The following R3HCC1L variants were observed in gnomAD, a reference collection of about 807,000 sequenced individuals.
The protein encoded by R3HCC1L is coiled-coil domain-containing protein R3HCC1L.
R3HCC1L carries 51 observed loss-of-function variants against 59.9 expected under a neutral mutation model. That is an observed-to-expected ratio of 0.85 (90% CI 0.68 to 1.07). The LOEUF is 1.07. R3HCC1L is among the 50% of genes least tolerant of loss of function. The pLI, the probability that R3HCC1L is intolerant of heterozygous loss-of-function variation, is 0.00. For missense variants in R3HCC1L, 965 were observed against 933.0 expected, an observed-to-expected ratio of 1.03 and a Z score of -0.45; for synonymous variants, 322 against 315.2, an observed-to-expected ratio of 1.02 and a Z score of -0.23.
In R3HCC1L at chr10:98,229,108, C is replaced by T. The variant is rs572911285; in HGVS notation, c.1786-2404C>T. Among the ~76,000 whole-genome samples, 696 of 152,070 alleles carry T rather than the reference C, an allele frequency of 4.6e-3. 9 individuals carry two copies. The highest frequency in any genetic ancestry group is 0.016 in the African/African-American group (675 of 41,480). ...ATATGAACTTTAAAGTAGTTTTTTTCCAGTTCTGTGAAGAAAGTCATTGGT... is the reference window on the plus strand; with the variant it reads ...ATATGAACTTTAAAGTAGTTTTTTTTCAGTTCTGTGAAGAAAGTCATTGGT... On this transcript the variant is annotated intron_variant, in intron 5 of 9. Coordinates refer to ENST00000298999, the MANE Select transcript of R3HCC1L (RefSeq NM_001351015.2).
In R3HCC1L at chr10:98,208,860, G is replaced by A. The variant is rs765099256; in HGVS notation, c.746G>A (p.Ser249Asn). ...TCTGATTCTGAAATTGTACAACAAA[G>A]CATGCAAACATCAGATGGAATATTG... ...LSSDSEIVQQ[S>N]MQTSDGILNP... Residue 249 changes from serine (S) to asparagine (N), a missense_variant, in exon 5 of 10, where the codon AGC (serine) becomes AAC (asparagine). Transcript: ENST00000298999. 8.1e-6 allele frequency: 13 copies of A among 1,614,014 alleles called. No homozygotes were observed. Among genetic ancestry groups the A allele is most frequent in the Non-Finnish European group, 1.0e-5 (12 of 1,180,008 alleles).
chr10:98,144,491 G>A (rs1439893390), intron 1 of R3HCC1L, among the ~76,000 whole-genome samples: 1 of 152,186 alleles, frequency 6.6e-6, no homozygotes, highest in Non-Finnish European at 1.5e-5. Context: ...TGGGATTATA[G>A]GCGTGAGCCA....
chr10:98,161,955 A>G (rs531889159), intron 2 of R3HCC1L, among the ~76,000 whole-genome samples: 1 of 152,340 alleles, frequency 6.6e-6, no homozygotes, highest in South Asian at 2.1e-4. Flanking sequence ...ATAAATTAAC[A>G]TGGAAGACTG....
chr10:98,186,778 T>G (rs1427779649), intron 4 of R3HCC1L, among the ~76,000 whole-genome samples: 1 of 152,148 alleles, frequency 6.6e-6, no homozygotes, highest in East Asian at 1.9e-4. Flanking sequence ...CTTCTCAGAA[T>G]GATGTAGTTA....
chr10:98,222,746 A>G (rs561939189), intron 5 of R3HCC1L, among the ~76,000 whole-genome samples: 1 of 152,160 alleles, frequency 6.6e-6, no homozygotes, highest in Non-Finnish European at 1.5e-5. Flanking sequence ...TAATGAATCC[A>G]GGAGCTGGTT....
At chr10:98,201,142 A>G (rs757451068) in intron 4 of R3HCC1L, among the ~76,000 whole-genome samples, 1 of 152,224 alleles carries the variant, frequency 6.6e-6, no homozygotes, top group Non-Finnish European at 1.5e-5. Flanking sequence ...TTATTATAAA[A>G]TGAATTCCAT....
chr10:98,205,889 C>G (rs910032976), intron 4 of R3HCC1L, among the ~76,000 whole-genome samples: 1 of 152,124 alleles, frequency 6.6e-6, no homozygotes, highest in Non-Finnish European at 1.5e-5. Flanking sequence ...CAGCCTTTAT[C>G]TAAATTCTGC....
rs573049428 is a variant in R3HCC1L at position 98,244,420 on chromosome 10, A to G, written c.*262A>G. The G allele has an allele frequency of 3.9e-5, 14 of 362,350 alleles. No homozygotes were observed. The highest frequency in any genetic ancestry group is 2.9e-4 in the African/African-American group (14 of 48,746). 22.4% of individuals were successfully genotyped at this position (362,350 alleles called of 1,614,324 possible). ...AGAAACGTGGGAGATGTGAATTCCA[A>G]GAGTTGCCTGGACAGGGCAAGTCAT... On this transcript the variant is annotated 3_prime_UTR_variant, in exon 10 of 10. Coordinates refer to ENST00000298999, the MANE Select transcript of R3HCC1L (RefSeq NM_001351015.2).
intron 1 of R3HCC1L, among the ~76,000 whole-genome samples, chr10:98,155,380 G>T (rs539451291): frequency 6.6e-6 from 1 of 151,914 alleles, no homozygotes; most frequent in South Asian, 2.1e-4. Flanking sequence ...TATTTTTGAA[G>T]CTTCTATATT....
chr10:98,208,205 C>T lies in R3HCC1L; in HGVS notation c.91C>T (p.Leu31Phe), dbSNP rs761502568. The change falls in exon 5 of 10, where the codon CTT becomes TTT. Residue 31 changes from leucine to phenylalanine, a missense_variant. Coordinates refer to ENST00000298999, the MANE Select transcript of R3HCC1L (RefSeq NM_001351015.2). ...VPKARRGAVL[L>F]KTGDEEESCG... ...TAAAGCTCGTAGGGGTGCAGTACTC[C>T]TTAAGACAGGTGATGAAGAAGAAAG... 1.2e-6 allele frequency: 2 copies of T among 1,613,856 alleles called. No homozygotes were observed. Among genetic ancestry groups the T allele is most frequent in the Admixed American group, 3.3e-5 (2 of 60,002 alleles).
chr10:98,164,399 A>G (rs1847739896), intron 4 of R3HCC1L, among the ~76,000 whole-genome samples: 1 of 152,206 alleles, frequency 6.6e-6, no homozygotes, highest in Admixed American at 6.5e-5. Context: ...TGCTTTTGTC[A>G]GCATCAGAAT....
At chr10:98,161,528 A>G (rs1447525143) in intron 2 of R3HCC1L, among the ~76,000 whole-genome samples, 1 of 152,154 alleles carries the variant, frequency 6.6e-6, no homozygotes, top group South Asian at 2.1e-4. Flanking sequence ...TTTTTGTTTT[A>G]TCTGAATTTT....
chr10:98,189,423 G>A (rs1014569715), intron 4 of R3HCC1L, among the ~76,000 whole-genome samples: 1 of 152,118 alleles, frequency 6.6e-6, no homozygotes, highest in Admixed American at 6.5e-5. Context: ...TCTGTTTCTT[G>A]CATGCCTTTT....
intron 4 of R3HCC1L, among the ~76,000 whole-genome samples, chr10:98,194,396 T>A (rs1211548935): frequency 6.6e-6 from 1 of 152,100 alleles, no homozygotes; most frequent in East Asian, 1.9e-4. Flanking sequence ...TAGCAGTGGT[T>A]TCTTGCATAT....
chr10:98,135,839 G>A (rs184522462), intron 1 of R3HCC1L, among the ~76,000 whole-genome samples: 6 of 152,290 alleles, frequency 3.9e-5, no homozygotes, highest in Admixed American at 3.9e-4. Flanking sequence ...AGATATGGTT[G>A]TACTACAACT....
intron 1 of R3HCC1L, among the ~76,000 whole-genome samples, chr10:98,150,592 G>T (rs762395709): frequency 6.6e-6 from 1 of 151,682 alleles, no homozygotes; most frequent in Non-Finnish European, 1.5e-5. Flanking sequence ...GGTTTGCCTC[G>T]GTTCTAGTAA....
chr10:98,154,916 G>GA (rs757272434), intron 1 of R3HCC1L, among the ~76,000 whole-genome samples: 4 of 152,002 alleles, frequency 2.6e-5, no homozygotes, highest in African/African-American at 4.8e-5. Context: ...TTCTCATAAA[G>GA]AAAAAAATAT....
At chr10:98,174,097 A>G (rs1342231099) in intron 4 of R3HCC1L, among the ~76,000 whole-genome samples, 1 of 152,244 alleles carries the variant, frequency 6.6e-6, no homozygotes, top group African/African-American at 2.4e-5. Context: ...ATGTGAACAA[A>G]TATGAGAAAT....
intron 2 of R3HCC1L, among the ~76,000 whole-genome samples, chr10:98,162,367 ATTG>A (rs1236247734): frequency 1.3e-5 from 2 of 152,198 alleles, no homozygotes; most frequent in Admixed American, 1.3e-4. Flanking sequence ...TCTGAAACAT[ATTG>A]TTAACAGCTT....
Sources: gnomAD v4.1 joint callset for allele counts (sites outside exome capture counted in the v4.1 genomes callset) on GRCh38, gnomAD v4.1.1 for gene constraint, MANE v1.5 for transcripts, NCBI Gene and HGNC (gene_info 2026-07-23, HGNC 2026-07-21) for gene names.